RBFOX1: variants seen among roughly 807,000 people sequenced by gnomAD.
The protein encoded by RBFOX1 is RNA binding fox-1 homolog 1.
In RBFOX1, 8 loss-of-function variants were observed where a neutral mutation model predicts 57.7. The observed-to-expected ratio is 0.14, with a 90% CI of 0.08 to 0.25. The LOEUF (loss-of-function observed/expected upper bound fraction) is 0.25, where lower values mean the gene tolerates loss of function less well. Among genes scored for constraint, RBFOX1 ranks in the 10% least tolerant of loss-of-function variants. RBFOX1 has a pLI of 1.00. For synonymous variants in RBFOX1, 326 were observed against 222.4 expected (o/e 1.47, Z -4.15); for missense variants, 611 against 548.5 (o/e 1.11, Z -1.14).
chr16:7,113,026 G>A (rs1167709716), intron 4 of RBFOX1, among the ~76,000 whole-genome samples: 13 of 152,166 alleles, frequency 8.5e-5, no homozygotes, highest in Admixed American at 7.2e-4. Context: ...CAGACCCATC[G>A]AACTGGAGTC....
At chr16:7,138,013 G>T (rs2072529879) in intron 4 of RBFOX1, among the ~76,000 whole-genome samples, 1 of 152,134 alleles carries the variant, frequency 6.6e-6, no homozygotes, top group Non-Finnish European at 1.5e-5. Flanking sequence ...TAGGTAACTT[G>T]CCCGAGGTGA....
chr16:7,096,488 A>C (rs1253426484), intron 4 of RBFOX1, among the ~76,000 whole-genome samples: 1 of 152,170 alleles, frequency 6.6e-6, no homozygotes, highest in African/African-American at 2.4e-5. Flanking sequence ...TCATCCAAGA[A>C]GTAGTAGGCT....
chr16:5,632,940 C>CTTT (rs71142634), intron 3 of RBFOX1, among the ~76,000 whole-genome samples: 85,172 of 125,082 alleles, frequency 0.68, 30,343 homozygotes, highest in Non-Finnish European at 0.74. Flanking sequence ...TTAACAACTC[C>CTTT]TTTTTTTTTT....
chr16:7,051,192 A>G lies in RBFOX1; in HGVS notation c.-15-865A>G, dbSNP rs182925574. Among the ~76,000 whole-genome samples, 9 of 152,314 alleles carry G rather than the reference A, an allele frequency of 5.9e-5. No individual in the cohort carries two copies. The East Asian group carries it at 9.6e-4, about 16-fold the overall frequency. On this transcript the variant is annotated intron_variant, in intron 3 of 15. Transcript: ENST00000550418. ...ACCTAAATTTTATTTCAGCTTAACTATTTTAGTTGACAGTGGAGTCTACCA... is the reference window on the plus strand; with the variant it reads ...ACCTAAATTTTATTTCAGCTTAACTGTTTTAGTTGACAGTGGAGTCTACCA...
intron 4 of RBFOX1, among the ~76,000 whole-genome samples, chr16:7,132,584 G>T (rs769453643): frequency 2.7e-5 from 4 of 149,442 alleles, no homozygotes; most frequent in Non-Finnish European, 5.9e-5. Flanking sequence ...TATGAAGGCA[G>T]AAGTAAACTA....
At chr16:5,894,377 G>T (rs532101897) in intron 4 of RBFOX1, among the ~76,000 whole-genome samples, 13 of 152,230 alleles carry the variant, frequency 8.5e-5, no homozygotes, top group Non-Finnish European at 1.5e-4. Context: ...CCACCTCCTG[G>T]GTTCCAGTGA....
chr16:7,171,715 T>C (rs753366456), intron 4 of RBFOX1, among the ~76,000 whole-genome samples: 20 of 152,256 alleles, frequency 1.3e-4, no homozygotes, highest in Non-Finnish European at 2.2e-4. Flanking sequence ...TTGTGTTTTC[T>C]GAACAGCTAA....
intron 7 of RBFOX1, among the ~76,000 whole-genome samples, chr16:7,591,995 C>T (rs1424090821): frequency 6.6e-6 from 1 of 151,950 alleles, no homozygotes; most frequent in African/African-American, 2.4e-5. Context: ...ACATTGCAAC[C>T]CTCAGGTGAG....
intron 4 of RBFOX1, among the ~76,000 whole-genome samples, chr16:7,365,008 C>T (rs1461309054): frequency 1.3e-5 from 2 of 152,156 alleles, no homozygotes; most frequent in Non-Finnish European, 1.5e-5. Context: ...ATCTATCTGT[C>T]TGTCTGTCTA....
intron 10 of RBFOX1, among the ~76,000 whole-genome samples, chr16:7,611,666 T>TG (rs1016857716): frequency 6.6e-6 from 1 of 151,212 alleles, no homozygotes; most frequent in Non-Finnish European, 1.5e-5. Context: ...TTGGGTGGGG[T>TG]GGGGGCGAGG....
At chr16:7,518,075 C>A (rs1567629272) in intron 4 of RBFOX1, 72 bp from the exon 5 acceptor site, 1 of 1,535,344 alleles carries the variant, frequency 6.5e-7, no homozygotes, top group East Asian at 2.3e-5. Flanking sequence ...GTCCTGGGAT[C>A]TGGGAGGAAG....
At chr16:5,827,100 C>A (rs936477715) in intron 3 of RBFOX1, among the ~76,000 whole-genome samples, 1 of 152,112 alleles carries the variant, frequency 6.6e-6, no homozygotes, top group African/African-American at 2.4e-5. Context: ...TGAGACCCTC[C>A]TTTAAAGCTA....
intron 3 of RBFOX1, among the ~76,000 whole-genome samples, chr16:5,802,256 G>T (rs1431351045): frequency 6.6e-6 from 1 of 152,100 alleles, no homozygotes; most frequent in Non-Finnish European, 1.5e-5. Flanking sequence ...TGTTCGTTTG[G>T]AAAGTCCTTT....
At chr16:5,969,223 G>C (rs558698790) in intron 4 of RBFOX1, among the ~76,000 whole-genome samples, 23 of 151,034 alleles carry the variant, frequency 1.5e-4, no homozygotes, top group African/African-American at 5.6e-4. Context: ...GTTATCTGTA[G>C]AGATTTTAGT....
intron 3 of RBFOX1, among the ~76,000 whole-genome samples, chr16:5,840,532 C>G (rs1000201331): frequency 9.9e-5 from 15 of 152,170 alleles, no homozygotes; most frequent in African/African-American, 3.6e-4. Context: ...ACAGCTCCCC[C>G]ACTGCCATCA....
At chr16:7,456,238 C>G (rs1396478201) in intron 4 of RBFOX1, among the ~76,000 whole-genome samples, 5 of 152,184 alleles carry the variant, frequency 3.3e-5, no homozygotes, top group Admixed American at 2.0e-4. Flanking sequence ...CGTTAGGACC[C>G]TCCTCTCAAC....
At chr16:6,657,653 C>A (rs572808116) in intron 3 of RBFOX1, among the ~76,000 whole-genome samples, 1 of 152,212 alleles carries the variant, frequency 6.6e-6, no homozygotes, top group South Asian at 2.1e-4. Context: ...AACCCAAATG[C>A]TTCTGGCAAA....
chr16:7,461,500 T>C (rs548898972), intron 4 of RBFOX1, among the ~76,000 whole-genome samples: 1 of 152,162 alleles, frequency 6.6e-6, no homozygotes, highest in Non-Finnish European at 1.5e-5. Context: ...ATAGAATAAT[T>C]GAGGATGAAT....
At chr16:7,195,288 G>A (rs2086421850) in intron 4 of RBFOX1, among the ~76,000 whole-genome samples, 1 of 152,138 alleles carries the variant, frequency 6.6e-6, no homozygotes, top group Non-Finnish European at 1.5e-5. Flanking sequence ...TCATCACACA[G>A]GCTTGCAAAA....
Sources: gnomAD v4.1 joint callset for allele counts (sites outside exome capture counted in the v4.1 genomes callset) on GRCh38, gnomAD v4.1.1 for gene constraint, MANE v1.5 for transcripts, NCBI Gene and HGNC (gene_info 2026-07-23, HGNC 2026-07-21) for gene names.